Variants in PLEKHA8 observed in about 807,000 individuals in gnomAD.
PLEKHA8 encodes pleckstrin homology domain-containing family A member 8.
In PLEKHA8, 36 loss-of-function variants were observed where a neutral mutation model predicts 68.2. That is an observed-to-expected ratio of 0.53 (90% CI 0.40 to 0.70). The LOEUF is 0.70. PLEKHA8 is among the 30% of genes least tolerant of loss of function. PLEKHA8 has a pLI of 0.00. For synonymous variants in PLEKHA8, 211 were observed against 216.1 expected, an observed-to-expected ratio of 0.98 and a Z score of 0.20; for missense variants, 505 against 615.4, an observed-to-expected ratio of 0.82 and a Z score of 1.90.
intron 13 of PLEKHA8, among the ~76,000 whole-genome samples, chr7:30,124,946 A>T (rs568844608): frequency 2.5e-4 from 38 of 152,180 alleles, no homozygotes; most frequent in African/African-American, 8.9e-4. Flanking sequence ...GGAAAAAATA[A>T]AAAAAATCAG....
Position 30,030,785 on chromosome 7 carries a change from C to T in PLEKHA8, c.40+1983C>T, listed in dbSNP as rs183933400. 4.4e-3 allele frequency among the ~76,000 whole-genome samples: 665 copies of T among 152,350 alleles called. 4 individuals are homozygous for T. Among genetic ancestry groups the T allele is most frequent in the African/African-American group, 0.014 (600 of 41,578 alleles). ...AGAAGTGGTAATAGCCTAGGAGGAT[C>T]ACATGCATTCTTGTTTCCTCCACCC... On this transcript the variant is annotated intron_variant, in intron 1 of 13. Transcript: ENST00000449726.
At chr7:30,046,485 CT>C in intron 3 of PLEKHA8, 120 bp downstream of exon 3, 1 of 1,123,050 alleles carries the variant, frequency 8.9e-7, no homozygotes, top group Middle Eastern at 2.2e-4. Context: ...CATGCAAATG[CT>C]GTGTATCTTA....
At position 30,074,063 on chromosome 7, in the gene PLEKHA8, T is replaced by A. The variant is rs1160629621; in HGVS notation, c.1301-8T>A. ...AGTGTTCCTCATGGAGTTTTTCTTC[T>A]TTTCAAGATAATGCATATGGTAAAA... On this transcript the variant is annotated splice_polypyrimidine_tract_variant and splice_region_variant and intron_variant, in intron 12 of 13. Transcript: ENST00000449726. 3.1e-6 allele frequency: 5 copies of A among 1,608,996 alleles called. No homozygotes were observed. In the Admixed American group the frequency reaches 6.7e-5, roughly 22 times the overall value.
chr7:30,056,333 A>AAAT, intron 9 of PLEKHA8, among the ~76,000 whole-genome samples: 1 of 102,524 alleles, frequency 9.8e-6, no homozygotes, highest in Middle Eastern at 5.1e-3. Context: ...TATATATATA[A>AAAT]ATAACATATA....
intron 12 of PLEKHA8, among the ~76,000 whole-genome samples, chr7:30,073,659 A>AT: frequency 6.6e-6 from 1 of 150,852 alleles, no homozygotes; most frequent in Non-Finnish European, 1.5e-5. Flanking sequence ...TTTTTTCATA[A>AT]TTTCCAAATA....
chr7:30,055,636 A>G (rs1792785263), intron 9 of PLEKHA8, among the ~76,000 whole-genome samples: 1 of 152,166 alleles, frequency 6.6e-6, no homozygotes, highest in Non-Finnish European at 1.5e-5. Context: ...AGACCTTCAA[A>G]TATATTGGCA....
At chr7:30,100,543 T>G (rs1164808389) in intron 13 of PLEKHA8, among the ~76,000 whole-genome samples, 1 of 152,094 alleles carries the variant, frequency 6.6e-6, no homozygotes, top group African/African-American at 2.4e-5. Context: ...AGAGCGAGAC[T>G]GTGTCTCAAA....
chr7:30,069,559 T>C (rs953736252), intron 12 of PLEKHA8: 1 of 152,240 alleles, frequency 6.6e-6, no homozygotes, highest in Non-Finnish European at 1.5e-5. Flanking sequence ...AAATACCTGA[T>C]AGCAAGTTTC....
chr7:30,104,223 C>T (rs1795976922), intron 13 of PLEKHA8, among the ~76,000 whole-genome samples: 1 of 152,146 alleles, frequency 6.6e-6, no homozygotes. Flanking sequence ...CTGGAATTAC[C>T]ATATGTTGCT....
intron 13 of PLEKHA8, among the ~76,000 whole-genome samples, chr7:30,114,203 CT>C (rs373731966): frequency 1.6e-4 from 24 of 152,112 alleles, no homozygotes; most frequent in African/African-American, 5.1e-4. Flanking sequence ...CCCTACTTTT[CT>C]TTTTTTTGTT....
At chr7:30,045,322 G>A in intron 2 of PLEKHA8, 121 bp downstream of exon 2, 1 of 671,488 alleles carries the variant, frequency 1.5e-6, no homozygotes, top group East Asian at 2.8e-5. Flanking sequence ...AAGGGACATA[G>A]TGTTATGTGT....
intron 13 of PLEKHA8, among the ~76,000 whole-genome samples, chr7:30,128,089 G>GTTTTTTTT (rs1487431952): frequency 1.6e-5 from 2 of 121,582 alleles, no homozygotes; most frequent in Non-Finnish European, 3.4e-5. Flanking sequence ...GAGTTTTACT[G>GTTTTTTTT]TATTTTTTTT....
In PLEKHA8 at chr7:30,083,657, A is replaced by G. The variant is rs1230787333; in HGVS notation, c.*4870A>G. On this transcript the variant is annotated 3_prime_UTR_variant, in exon 14 of 14. Transcript: ENST00000449726. ...TAATTAAAAGGAAAAAAATACCACT[A>G]CTCTGCAATGCAAAAGTCTTCAAAA... 2.0e-6 allele frequency: 2 copies of G among 985,162 alleles called. No homozygotes were observed. The highest frequency in any genetic ancestry group is 2.3e-4 in the East Asian group (2 of 8,828). The allele number at this position is 985,162 out of a possible 1,614,324, so 61.0% of individuals were successfully genotyped here.
chr7:30,031,386 G>T (rs1447162296), intron 1 of PLEKHA8, among the ~76,000 whole-genome samples: 3 of 152,164 alleles, frequency 2.0e-5, no homozygotes, highest in Admixed American at 1.3e-4. Flanking sequence ...TAGTTCGCTG[G>T]AGAGGCCAAG....
downstream of PLEKHA8, among the ~76,000 whole-genome samples, chr7:30,094,147 C>T (rs559919741): frequency 2.1e-4 from 32 of 152,242 alleles, no homozygotes; most frequent in Admixed American, 4.6e-4. Flanking sequence ...TTACATTATC[C>T]GAAGGGACAT....
intron 4 of PLEKHA8, among the ~76,000 whole-genome samples, chr7:30,048,211 G>T (rs1456222249): frequency 6.6e-6 from 1 of 152,136 alleles, no homozygotes; most frequent in Non-Finnish European, 1.5e-5. Flanking sequence ...ATATGCGTGT[G>T]TATAGCTTTC....
rs1434723289 is a variant in PLEKHA8, at chr7:30,061,917, A to G, written c.1119A>G (p.Ile373Met). 1.9e-6 allele frequency: 3 copies of G among 1,613,982 alleles called. No individual in the cohort carries two copies. The highest frequency in any genetic ancestry group is 2.5e-6 in the Non-Finnish European group (3 of 1,180,012). The change falls in exon 11 of 14, where the codon ATA (isoleucine) becomes ATG (methionine). Residue 373 changes from isoleucine to methionine, a missense_variant. Coordinates refer to ENST00000449726, the MANE Select transcript of PLEKHA8 (RefSeq NM_001197026.2). ...GNIKKVNQKY[I>M]TNKEEFTTLQ... is the part of the protein sequence containing the mutation. ...TCCAGAAAGTAAATCAGAAGTATAT[A>G]ACCAACAAAGAAGAGTTTACCACTC...
At position 30,082,766 on chromosome 7, in the gene PLEKHA8, T is replaced by G. The variant is rs1267905039; in HGVS notation, c.*3979T>G. 6 of 985,284 alleles carry G rather than the reference T, an allele frequency of 6.1e-6. No individual in the cohort carries two copies. The highest frequency in any genetic ancestry group is 7.2e-6 in the Non-Finnish European group (6 of 829,826). 61.0% of individuals were successfully genotyped at this position (985,284 alleles called of 1,614,324 possible). A position where few individuals can be genotyped will look rare whatever the true frequency, so the allele number is the denominator to read the frequency against. ...GTAAGAGATTTTTTTTTAAGGAAAC[T>G]TAATCTGATTGTGAAAATCATACAT... is the stretch of plus-strand genomic sequence containing the variant. On this transcript the variant is annotated 3_prime_UTR_variant, in exon 14 of 14. Transcript: ENST00000449726.
In PLEKHA8 at chr7:30,082,602, A is replaced by G. The variant is rs1180011680; in HGVS notation, c.*3815A>G. On this transcript the variant is annotated 3_prime_UTR_variant, in exon 14 of 14. Coordinates refer to ENST00000449726, the MANE Select transcript of PLEKHA8 (RefSeq NM_001197026.2). The stretch of plus-strand genomic sequence containing the variant: ...CTTCTCCTTTTGGTTATTACTTTCC[A>G]AATATATTAACAAAAAGTTGATGCT... The G allele has an allele frequency of 1.0e-6, 1 of 985,218 alleles. No individual in the cohort carries two copies. Among genetic ancestry groups the G allele is most frequent in the Non-Finnish European group, 1.2e-6 (1 of 829,718 alleles). 61.0% of individuals were successfully genotyped at this position (985,218 alleles called of 1,614,324 possible).
Sources: allele counts gnomAD v4.1 joint callset (sites outside exome capture counted in the v4.1 genomes callset), GRCh38; gene constraint gnomAD v4.1.1; transcripts MANE v1.5; gene names NCBI Gene and HGNC (gene_info 2026-07-23, HGNC 2026-07-21).